Variants in EXOC6 observed in about 807,000 individuals in gnomAD.
The protein encoded by EXOC6 is SEC15-like 1.
EXOC6 carries 60 observed loss-of-function variants against 112.5 expected under a neutral mutation model. The observed-to-expected ratio is 0.53, with a 90% CI of 0.43 to 0.66. The LOEUF is 0.66. EXOC6 is among the 30% of genes least tolerant of loss of function. EXOC6 has a pLI of 0.00. For missense variants in EXOC6, 855 were observed against 957.1 expected (o/e 0.89, Z 1.41); for synonymous variants, 295 against 308.0 (o/e 0.96, Z 0.44).
chr10:92,923,369 T>C (rs1440818062), intron 8 of EXOC6, among the ~76,000 whole-genome samples: 1 of 152,232 alleles, frequency 6.6e-6, no homozygotes, highest in Non-Finnish European at 1.5e-5. Context: ...TATCAATTGC[T>C]GTATAACACA....
chr10:92,895,067 T>G, intron 4 of EXOC6, 47 bp downstream of exon 4: 1 of 1,076,390 alleles, frequency 9.3e-7, no homozygotes, highest in Non-Finnish European at 1.4e-6. Context: ...GGTAAAGTTG[T>G]AATTTAATAA....
chr10:92,942,623 G>A (rs1021018421), intron 13 of EXOC6, among the ~76,000 whole-genome samples: 11 of 151,910 alleles, frequency 7.2e-5, no homozygotes, highest in African/African-American at 2.7e-4. Context: ...TGATAAAGAT[G>A]GTAATCTAGA....
intron 1 of EXOC6, among the ~76,000 whole-genome samples, chr10:92,865,429 A>G (rs891861426): frequency 6.6e-6 from 1 of 151,926 alleles, no homozygotes; most frequent in Non-Finnish European, 1.5e-5. Context: ...CCAGCTGCTT[A>G]GGAGGCTGAG....
chr10:92,959,807 A>T (rs185684206), intron 17 of EXOC6, among the ~76,000 whole-genome samples: 1 of 152,384 alleles, frequency 6.6e-6, no homozygotes, highest in Admixed American at 6.5e-5. Context: ...AACAACAGTG[A>T]GATACCACTA....
chr10:92,992,294 A>AT (rs1843298511), intron 18 of EXOC6, among the ~76,000 whole-genome samples: 1 of 151,204 alleles, frequency 6.6e-6, no homozygotes, highest in African/African-American at 2.4e-5. Flanking sequence ...TCTCAAAAAA[A>AT]AAAAAAAAAA....
At position 93,028,107 on chromosome 10, in the gene EXOC6, G is replaced by A. The variant is rs117313522; in HGVS notation, c.2169+13840G>A. Among the ~76,000 whole-genome samples the A allele has an allele frequency of 2.9e-3, 439 of 151,976 alleles. 1 individual carries two copies. The highest frequency in any genetic ancestry group is 5.0e-3 in the Non-Finnish European group (339 of 67,938). ...AGGCTGGGAGTTTGAGACCAACCTG[G>A]ACAACATAAGGAGACGCTGTCATAT... On this transcript the variant is annotated intron_variant, in intron 20 of 21. Coordinates refer to ENST00000260762, the MANE Select transcript of EXOC6 (RefSeq NM_019053.6).
At chr10:92,906,343 G>A (rs538724973) in intron 5 of EXOC6, among the ~76,000 whole-genome samples, 63 of 152,126 alleles carry the variant, frequency 4.1e-4, no homozygotes, top group African/African-American at 1.4e-3. Flanking sequence ...TATGCAGGAC[G>A]TTATATTTAA....
chr10:92,959,073 G>A (rs1853847531), intron 17 of EXOC6, among the ~76,000 whole-genome samples: 1 of 152,064 alleles, frequency 6.6e-6, no homozygotes, highest in Non-Finnish European at 1.5e-5. Flanking sequence ...CAGCCTGGCG[G>A]TAGAGTGAAA....
At chr10:92,995,329 C>A (rs76993588) in intron 18 of EXOC6, among the ~76,000 whole-genome samples, 312 of 152,086 alleles carry the variant, frequency 2.1e-3, no homozygotes, top group African/African-American at 7.3e-3. Flanking sequence ...TCATTTGTAG[C>A]GTCTGAACCC....
chr10:92,917,169 G>A (rs998156625), intron 7 of EXOC6, among the ~76,000 whole-genome samples: 2 of 151,992 alleles, frequency 1.3e-5, no homozygotes, highest in Non-Finnish European at 2.9e-5. Context: ...GTTTCACCAT[G>A]CTGGCCAGGC....
chr10:92,870,463 T>G (rs1205370114), intron 1 of EXOC6, among the ~76,000 whole-genome samples: 2 of 152,192 alleles, frequency 1.3e-5, no homozygotes, highest in African/African-American at 4.8e-5. Context: ...GTCCTGCTTC[T>G]TAGAATAAAC....
At chr10:92,832,351 C>A (rs1288979799), upstream of EXOC6, among the ~76,000 whole-genome samples, 1 of 152,192 alleles carries the variant, frequency 6.6e-6, no homozygotes, top group Non-Finnish European at 1.5e-5. Flanking sequence ...AATCTCGACT[C>A]ACTGCAACCT....
chr10:92,832,285 CTT>C (rs796317905), upstream of EXOC6, among the ~76,000 whole-genome samples: 18 of 151,360 alleles, frequency 1.2e-4, no homozygotes, highest in African/African-American at 4.4e-4. Context: ...GGTGTATACT[CTT>C]TTTTTTTGAG....
chr10:92,928,292 ATG>A, intron 8 of EXOC6, 45 bp from the exon 9 acceptor site: 2 of 1,005,752 alleles, frequency 2.0e-6, no homozygotes, highest in Admixed American at 1.9e-5. Flanking sequence ...TTTTAGTTGT[ATG>A]TGTGTGTATG....
At chr10:93,002,322 T>C (rs1331688315) in intron 19 of EXOC6, among the ~76,000 whole-genome samples, 1 of 152,226 alleles carries the variant, frequency 6.6e-6, no homozygotes, top group Non-Finnish European at 1.5e-5. Context: ...TCTTTCTACA[T>C]ATTTAACAAA....
chr10:92,912,749 G>A (rs7078376), intron 6 of EXOC6, among the ~76,000 whole-genome samples: 1 of 152,056 alleles, frequency 6.6e-6, no homozygotes, highest in Non-Finnish European at 1.5e-5. Flanking sequence ...GGACGTGAAG[G>A]TAGACAACCA....
In EXOC6 at chr10:92,971,375, C is replaced by CT. The variant is rs1417142251; in HGVS notation, c.1774-2668dup. Among the ~76,000 whole-genome samples the CT allele has an allele frequency of 5.4e-3, 747 of 139,152 alleles. 11 individuals are homozygous for CT. The highest frequency in any genetic ancestry group is 0.019 in the African/African-American group (695 of 37,100). 91.3% of individuals were successfully genotyped at this position (139,152 alleles called of 152,430 possible). A position where few individuals can be genotyped will look rare whatever the true frequency, so the allele number is the denominator to read the frequency against. On this transcript the variant is annotated intron_variant, in intron 17 of 21. Transcript: ENST00000260762. Reference sequence around the variant, plus strand: ...TTTTTTTTTCACTTCACTTATTGTACTTTTTTTTTTCTTTTTTTAGATGGA... The same window carrying CT: ...TTTTTTTTTCACTTCACTTATTGTACTTTTTTTTTTTCTTTTTTTAGATGGA...
At chr10:92,963,963 A>C (rs1055164908) in intron 17 of EXOC6, among the ~76,000 whole-genome samples, 2 of 152,040 alleles carry the variant, frequency 1.3e-5, no homozygotes, top group Non-Finnish European at 2.9e-5. Context: ...TTGCATGCGT[A>C]TAAGGCACAA....
chr10:93,058,595 G>T lies in EXOC6; in HGVS notation c.*240G>T. 1 of 323,926 alleles carries T rather than the reference G, an allele frequency of 3.1e-6. No homozygotes were observed. 20.1% of individuals were successfully genotyped at this position (323,926 alleles called of 1,614,324 possible). Reference sequence around the variant, plus strand: ...TTCACTTTTAGGGGAAAATGCAAAAGTGTAATACATAAATTGTCACAAATT... The same window carrying T: ...TTCACTTTTAGGGGAAAATGCAAAATTGTAATACATAAATTGTCACAAATT... On this transcript the variant is annotated 3_prime_UTR_variant, in exon 22 of 22. Coordinates refer to ENST00000260762, the MANE Select transcript of EXOC6 (RefSeq NM_019053.6).
Sources: gnomAD v4.1 joint callset for allele counts (sites outside exome capture counted in the v4.1 genomes callset) on GRCh38, gnomAD v4.1.1 for gene constraint, MANE v1.5 for transcripts, NCBI Gene and HGNC (gene_info 2026-07-23, HGNC 2026-07-21) for gene names.